Variants in PDE4D observed in about 807,000 individuals in gnomAD.
The protein encoded by PDE4D is 3',5'-cyclic-AMP phosphodiesterase 4D.
A neutral mutation model predicts 87.4 loss-of-function variants in PDE4D; 24 were observed. The ratio of observed to expected loss-of-function variants is 0.27; its 90% confidence interval spans 0.20 to 0.39. The LOEUF (loss-of-function observed/expected upper bound fraction) is 0.39, where lower values mean the gene tolerates loss of function less well. Among genes scored for constraint, PDE4D ranks in the 10% least tolerant of loss-of-function variants. PDE4D has a pLI of 1.00. For synonymous variants in PDE4D, 384 were observed against 383.2 expected (o/e 1.00, Z -0.02); for missense variants, 714 against 1,041.0 (o/e 0.69, Z 4.32).
At chr5:59,275,793 T>G (rs938282381) in intron 1 of PDE4D, 2 of 989,384 alleles carry the variant, frequency 2.0e-6, no homozygotes, top group East Asian at 2.2e-4. Flanking sequence ...TTTCTGACAC[T>G]CGAAGAGCGC....
At chr5:60,458,440 C>T (rs1746659747) in intron 1 of PDE4D, among the ~76,000 whole-genome samples, 3 of 148,552 alleles carry the variant, frequency 2.0e-5, no homozygotes, top group Admixed American at 6.7e-5. Flanking sequence ...TGTCATGTTG[C>T]TTGCTTAAAT....
chr5:59,823,136 CTG>C (rs1411928749), intron 1 of PDE4D, among the ~76,000 whole-genome samples: 2 of 152,164 alleles, frequency 1.3e-5, no homozygotes, highest in Non-Finnish European at 2.9e-5. Context: ...CTGCTTTGTG[CTG>C]TGTCTCTTCT....
At chr5:60,399,302 A>G (rs1740834809) in intron 1 of PDE4D, among the ~76,000 whole-genome samples, 1 of 152,224 alleles carries the variant, frequency 6.6e-6, no homozygotes, top group Non-Finnish European at 1.5e-5. Context: ...TGAAATACAG[A>G]CTATTAATAA....
At chr5:60,352,383 T>TGA (rs1400212923) in intron 1 of PDE4D, among the ~76,000 whole-genome samples, 1 of 152,204 alleles carries the variant, frequency 6.6e-6, no homozygotes, top group Non-Finnish European at 1.5e-5. Context: ...TAAAGAATTT[T>TGA]GAGAAAGTAT....
rs992229749 is a variant in PDE4D, at chr5:59,967,819, C to T, written c.272+20669G>A. ...CTCATATGCTCATCACTGCACTATT[C>T]ACAATAGCAAAGATGTGGAATCAAC... On this transcript the variant is annotated intron_variant, in intron 3 of 16. Transcript: ENST00000502484. Among the ~76,000 whole-genome samples, 14 of 152,138 alleles carry T rather than the reference C, an allele frequency of 9.2e-5. No homozygotes were observed. In the South Asian group the frequency reaches 2.5e-3, roughly 27 times the overall value.
intron 2 of PDE4D, among the ~76,000 whole-genome samples, chr5:60,094,785 C>G (rs1435708268): frequency 4.0e-5 from 6 of 151,820 alleles, no homozygotes; most frequent in Non-Finnish European, 8.8e-5. Flanking sequence ...ATTTGAGACT[C>G]CTAGCCTCCA....
At chr5:60,194,569 C>G (rs973248177) in intron 1 of PDE4D, among the ~76,000 whole-genome samples, 1 of 151,670 alleles carries the variant, frequency 6.6e-6, no homozygotes, top group African/African-American at 2.4e-5. Flanking sequence ...GACAGGTACT[C>G]AGGAATCTAC....
intron 1 of PDE4D, among the ~76,000 whole-genome samples, chr5:59,461,312 C>T (rs571894256): frequency 4.0e-5 from 6 of 151,422 alleles, no homozygotes; most frequent in East Asian, 1.9e-4. Context: ...AAGAGAGAAG[C>T]GAAGATTATA....
At chr5:59,391,965 A>G (rs1323904784) in intron 1 of PDE4D, among the ~76,000 whole-genome samples, 1 of 148,276 alleles carries the variant, frequency 6.7e-6, no homozygotes, top group African/African-American at 2.5e-5. Context: ...TATATTACAT[A>G]TATATATAAT....
intron 1 of PDE4D, among the ~76,000 whole-genome samples, chr5:60,337,944 T>C (rs887600838): frequency 6.6e-6 from 1 of 151,848 alleles, no homozygotes; most frequent in Non-Finnish European, 1.5e-5. Flanking sequence ...AGACATACAA[T>C]GTAAAAAAAA....
At chr5:59,136,516 GACATA>G (rs1163407079) in intron 5 of PDE4D, among the ~76,000 whole-genome samples, 1 of 152,124 alleles carries the variant, frequency 6.6e-6, no homozygotes, top group Non-Finnish European at 1.5e-5. Context: ...TGGGTTTTTA[GACATA>G]ACATAATGCA....
intron 1 of PDE4D, among the ~76,000 whole-genome samples, chr5:59,376,569 T>C (rs1201647557): frequency 3.9e-5 from 6 of 152,168 alleles, no homozygotes; most frequent in Non-Finnish European, 5.9e-5. Flanking sequence ...TCCATGATCA[T>C]GGACAGAAAG....
intron 2 of PDE4D, among the ~76,000 whole-genome samples, chr5:59,992,776 A>G (rs1000053011): frequency 5.3e-5 from 8 of 152,202 alleles, no homozygotes; most frequent in Non-Finnish European, 1.0e-4. Context: ...ATACTCTGTT[A>G]GTTTAAACCC....
At chr5:59,817,421 GGAAA>G (rs1292850612) in intron 1 of PDE4D, among the ~76,000 whole-genome samples, 1 of 152,080 alleles carries the variant, frequency 6.6e-6, no homozygotes, top group African/African-American at 2.4e-5. Context: ...GGGAGGAGTG[GGAAA>G]GACACATAGT....
At position 59,574,105 on chromosome 5, in the gene PDE4D, TATATATATATATAAATATATA is replaced by T. The variant is rs1822569751; in HGVS notation, c.455+319042_455+319062del. The stretch of plus-strand genomic sequence containing the variant: ...ATATTTATATATATAAATATATATT[TATATATATATATAAATATATA>T]TTTATATATATATATATAAATATAT... On this transcript the variant is annotated intron_variant, in intron 1 of 14. Transcript: ENST00000340635. Among the ~76,000 whole-genome samples, 7 of 34,240 alleles carry T rather than the reference TATATATATATATAAATATATA, an allele frequency of 2.0e-4. No homozygotes were observed. The Admixed American group carries it at 2.1e-3, about 10-fold the overall frequency. 22.5% of individuals were successfully genotyped at this position (34,240 alleles called of 152,430 possible).
At chr5:60,458,309 C>T (rs994293699) in intron 1 of PDE4D, among the ~76,000 whole-genome samples, 1 of 149,912 alleles carries the variant, frequency 6.7e-6, no homozygotes, top group African/African-American at 2.5e-5. Flanking sequence ...ATCACTTGAA[C>T]CCAGGAGGCA....
intron 1 of PDE4D, among the ~76,000 whole-genome samples, chr5:59,348,587 A>ACACAAAG (rs1779984807): frequency 6.7e-6 from 1 of 148,540 alleles, no homozygotes; most frequent in Non-Finnish European, 1.5e-5. Flanking sequence ...CTTTAGCTCA[A>ACACAAAG]CACAAAGCTT....
chr5:60,159,385 G>A (rs996234), intron 2 of PDE4D, among the ~76,000 whole-genome samples: 74,312 of 151,540 alleles, frequency 0.49, 18,578 homozygotes, highest in Admixed American at 0.53. Context: ...ACATAAATCA[G>A]GGACGTAATC....
At chr5:59,031,549 A>T (rs888966704) in intron 6 of PDE4D, among the ~76,000 whole-genome samples, 6 of 148,958 alleles carry the variant, frequency 4.0e-5, no homozygotes, top group African/African-American at 1.5e-4. Flanking sequence ...CTACTTAAAA[A>T]TACAAAAAAT....
Sources: allele counts gnomAD v4.1 joint callset (sites outside exome capture counted in the v4.1 genomes callset), GRCh38; gene constraint gnomAD v4.1.1; transcripts MANE v1.5; gene names NCBI Gene and HGNC (gene_info 2026-07-23, HGNC 2026-07-21).